The following DOCK5 variants were observed in gnomAD, a reference collection of about 807,000 sequenced individuals.
DOCK5 encodes dedicator of cytokinesis 5.
Under a neutral mutation model 251.8 loss-of-function variants are expected in DOCK5, and 142 were observed. That is an observed-to-expected ratio of 0.56 (90% CI 0.49 to 0.65). The LOEUF (loss-of-function observed/expected upper bound fraction) is 0.65, where lower values mean the gene tolerates loss of function less well. Ranked by LOEUF, DOCK5 falls within the 30% of genes least tolerant of loss-of-function variation. The pLI is 0.00. For synonymous variants in DOCK5, 842 were observed against 835.5 expected (o/e 1.01, Z -0.13); for missense variants, 2,111 against 2,312.3 (o/e 0.91, Z 1.79).
intron 13 of DOCK5, among the ~76,000 whole-genome samples, chr8:25,315,229 A>T (rs969635133): frequency 6.7e-6 from 1 of 150,276 alleles, no homozygotes; most frequent in Non-Finnish European, 1.5e-5. Flanking sequence ...CACTGTGAGG[A>T]TGTCAGTCAG....
intron 45 of DOCK5, 74 bp downstream of exon 45, chr8:25,395,793 C>T (rs1291300813): frequency 1.0e-5 from 15 of 1,491,688 alleles, no homozygotes; most frequent in East Asian, 9.6e-5. Flanking sequence ...TGCCATTTGC[C>T]ACTGACAAAT....
chr8:25,375,152 A>G (rs1209871228), intron 37 of DOCK5: 1 of 297,476 alleles, frequency 3.4e-6, no homozygotes, highest in Non-Finnish European at 5.4e-6. Context: ...TTGATTGGCC[A>G]ATATGCAGCT....
chr8:25,270,548 A>G (rs1305213503), intron 3 of DOCK5, among the ~76,000 whole-genome samples: 1 of 152,228 alleles, frequency 6.6e-6, no homozygotes, highest in East Asian at 1.9e-4. Context: ...TTAAGAAAAA[A>G]AAAGTTAATT....
chr8:25,260,069 A>G (rs1803533409), intron 2 of DOCK5, among the ~76,000 whole-genome samples: 1 of 151,554 alleles, frequency 6.6e-6, no homozygotes, highest in Non-Finnish European at 1.5e-5. Flanking sequence ...GTAAGGAAGG[A>G]TTTTAGACCC....
At chr8:25,302,483 A>G in intron 10 of DOCK5, 29 bp downstream of exon 10, 2 of 1,524,436 alleles carry the variant, frequency 1.3e-6, no homozygotes, top group Non-Finnish European at 1.8e-6. Flanking sequence ...GACAAATGTG[A>G]AATAGTGCAG....
rs199798594 is a variant in DOCK5, at chr8:25,382,610, C to CT, written c.4027-55dup. The CT allele has an allele frequency of 6.4e-4, 834 of 1,311,524 alleles. 1 individual carries two copies. The East Asian group carries it at 8.0e-3, about 13-fold the overall frequency. The allele number at this position is 1,311,524 out of a possible 1,614,324, so 81.2% of individuals were successfully genotyped here. A position where few individuals can be genotyped will look rare whatever the true frequency, so the allele number is the denominator to read the frequency against. On this transcript the variant is annotated intron_variant, in intron 39 of 51. Coordinates refer to ENST00000276440, the MANE Select transcript of DOCK5 (RefSeq NM_024940.8). Reference sequence around the variant, plus strand: ...TGGGAAACAACAAAACAAAGTCTGACTTTTTTTTTCCCCCAACTGTGTACT... The same window carrying CT: ...TGGGAAACAACAAAACAAAGTCTGACTTTTTTTTTTCCCCCAACTGTGTACT...
intron 2 of DOCK5, among the ~76,000 whole-genome samples, chr8:25,246,324 A>G (rs1183095219): frequency 6.6e-6 from 1 of 152,016 alleles, no homozygotes; most frequent in Non-Finnish European, 1.5e-5. Context: ...GCCCAGGTGG[A>G]GTGCAGTGGC....
At chr8:25,296,452 C>G in intron 6 of DOCK5, 61 bp from the exon 7 acceptor site, 1 of 1,562,924 alleles carries the variant, frequency 6.4e-7, no homozygotes, top group East Asian at 2.3e-5. Context: ...TTGACAAGGA[C>G]TCCTCAGTAA....
chr8:25,317,553 A>C (rs1412473688), intron 14 of DOCK5, among the ~76,000 whole-genome samples: 1 of 152,170 alleles, frequency 6.6e-6, no homozygotes, highest in African/African-American at 2.4e-5. Context: ...TGCTCATCAG[A>C]GACTGAAACT....
chr8:25,258,579 C>T (rs191217366), intron 2 of DOCK5, among the ~76,000 whole-genome samples: 138 of 152,200 alleles, frequency 9.1e-4, no homozygotes, highest in Non-Finnish European at 1.6e-3. Context: ...GGTGCTTTAG[C>T]GCTGCCTGTC....
intron 9 of DOCK5, among the ~76,000 whole-genome samples, chr8:25,301,537 A>G (rs1804762659): frequency 6.6e-6 from 1 of 152,140 alleles, no homozygotes; most frequent in Non-Finnish European, 1.5e-5. Context: ...GAGAGATATC[A>G]GCTCATTCCT....
In DOCK5 at chr8:25,402,968, A is replaced by G. The variant is rs146882988; in HGVS notation, c.4927-590A>G. On this transcript the variant is annotated intron_variant, in intron 47 of 51. Coordinates refer to ENST00000276440, the MANE Select transcript of DOCK5 (RefSeq NM_024940.8). ...CCTGCTGCTACTTAAGAGTTTTTCT[A>G]GGAGCATTTGTCTTTTGCACACACA... is the stretch of plus-strand genomic sequence containing the variant. Among the ~76,000 whole-genome samples the G allele has an allele frequency of 3.3e-5, 5 of 152,278 alleles. No homozygotes were observed. In the East Asian group the frequency reaches 9.6e-4, roughly 29 times the overall value.
At chr8:25,391,233 G>C (rs1281143720) in intron 42 of DOCK5, among the ~76,000 whole-genome samples, 4 of 151,508 alleles carry the variant, frequency 2.6e-5, no homozygotes, top group African/African-American at 9.7e-5. Flanking sequence ...GTGTGTGTGT[G>C]TGTGTGTGTG....
At chr8:25,381,579 A>G (rs1327356877) in intron 39 of DOCK5, among the ~76,000 whole-genome samples, 1 of 152,032 alleles carries the variant, frequency 6.6e-6, no homozygotes, top group East Asian at 1.9e-4. Flanking sequence ...AGTGAACTGT[A>G]ATCATGCTAC....
chr8:25,257,152 C>G (rs1440774458), intron 2 of DOCK5, among the ~76,000 whole-genome samples: 1 of 152,008 alleles, frequency 6.6e-6, no homozygotes, highest in Non-Finnish European at 1.5e-5. Flanking sequence ...CCAAATAGAG[C>G]CCCCCACAGC....
intron 51 of DOCK5, among the ~76,000 whole-genome samples, chr8:25,410,939 A>AACGTGTGTG (rs1554513012): frequency 9.8e-6 from 1 of 102,062 alleles, no homozygotes; most frequent in Non-Finnish European, 2.1e-5. Flanking sequence ...GAGAGAGAAA[A>AACGTGTGTG]TGTGTGTGTG....
chr8:25,225,649 T>C (rs974448050), intron 1 of DOCK5, among the ~76,000 whole-genome samples: 1 of 147,642 alleles, frequency 6.8e-6, no homozygotes, highest in African/African-American at 2.5e-5. Context: ...GAGCTTGCAG[T>C]GAGCCGAGAT....
At chr8:25,282,450 C>T (rs970312967) in intron 5 of DOCK5, among the ~76,000 whole-genome samples, 12 of 151,414 alleles carry the variant, frequency 7.9e-5, no homozygotes, top group African/African-American at 2.9e-4. Context: ...CTGTAAGTTC[C>T]TTCAGTCCAT....
At chr8:25,217,766 C>G (rs1325633869) in intron 1 of DOCK5, among the ~76,000 whole-genome samples, 1 of 152,200 alleles carries the variant, frequency 6.6e-6, no homozygotes, top group Non-Finnish European at 1.5e-5. Flanking sequence ...ATTAATCTAA[C>G]ATTGAATCAT....
Sources: allele counts gnomAD v4.1 joint callset (sites outside exome capture counted in the v4.1 genomes callset), GRCh38; gene constraint gnomAD v4.1.1; transcripts MANE v1.5; gene names NCBI Gene and HGNC (gene_info 2026-07-23, HGNC 2026-07-21).